The following GLIS3 variants were observed in gnomAD, a reference collection of about 807,000 sequenced individuals.
The protein encoded by GLIS3 is GLIS family zinc finger 3.
Under a neutral mutation model 78.6 loss-of-function variants are expected in GLIS3, and 53 were observed. The observed-to-expected ratio is 0.67, with a 90% CI of 0.54 to 0.85. The LOEUF is 0.85. Among genes scored for constraint, GLIS3 ranks in the 40% least tolerant of loss-of-function variants. The pLI, the probability that GLIS3 is intolerant of heterozygous loss-of-function variation, is 0.00. For missense variants in GLIS3, 1,703 were observed against 1,231.1 expected (o/e 1.38, Z -5.74); for synonymous variants, 684 against 509.9 (o/e 1.34, Z -4.60).
At chr9:3,975,338 T>C (rs1430306300) in intron 4 of GLIS3, 2 of 152,162 alleles carry the variant, frequency 1.3e-5, no homozygotes, top group East Asian at 3.9e-4. Flanking sequence ...TTGTGCTTAT[T>C]GGAAGAGGGC....
At chr9:4,343,221 G>A (rs1418808647) in intron 2 of GLIS3, among the ~76,000 whole-genome samples, 2 of 152,040 alleles carry the variant, frequency 1.3e-5, no homozygotes, top group Non-Finnish European at 2.9e-5. Flanking sequence ...ACACCCCTGT[G>A]GTCCCAGCTA....
At chr9:3,876,997 C>T (rs890296998) in intron 8 of GLIS3, among the ~76,000 whole-genome samples, 9 of 151,988 alleles carry the variant, frequency 5.9e-5, no homozygotes, top group African/African-American at 2.2e-4. Context: ...AAATCTTTTT[C>T]TACATGTATT....
chr9:3,845,069 ATATG>A (rs1035628856), intron 9 of GLIS3, among the ~76,000 whole-genome samples: 101 of 120,546 alleles, frequency 8.4e-4, no homozygotes, highest in African/African-American at 2.7e-3. Flanking sequence ...AGATATATAT[ATATG>A]TGTGTGTGTG....
the GLIS3 span, among the ~76,000 whole-genome samples, chr9:4,467,422 G>A: frequency 4.2e-3 from 632 of 152,236 alleles, 4 homozygotes; most frequent in African/African-American, 0.014. Flanking sequence ...CAGGACCCTC[G>A]GAGATGAAGC....
the GLIS3 span, among the ~76,000 whole-genome samples, chr9:4,356,575 T>G: frequency 6.6e-6 from 1 of 152,302 alleles, no homozygotes; most frequent in East Asian, 1.9e-4. Context: ...TTTCTCACGG[T>G]AGGGTCAAGC....
intron 8 of GLIS3, among the ~76,000 whole-genome samples, chr9:3,877,950 G>T (rs1285780368): frequency 6.6e-6 from 1 of 152,036 alleles, no homozygotes; most frequent in African/African-American, 2.4e-5. Flanking sequence ...AGGATAAGGG[G>T]CAAATTCCTT....
chr9:3,963,189 T>C (rs1282059105), intron 4 of GLIS3, among the ~76,000 whole-genome samples: 1 of 152,224 alleles, frequency 6.6e-6, no homozygotes, highest in East Asian at 1.9e-4. Context: ...CTACGGAGGA[T>C]GAATAAACCT....
At chr9:3,966,330 T>C (rs1389608409) in intron 4 of GLIS3, among the ~76,000 whole-genome samples, 1 of 152,180 alleles carries the variant, frequency 6.6e-6, no homozygotes, top group Non-Finnish European at 1.5e-5. Context: ...AAAAGTGTAT[T>C]CTATTAAATG....
the GLIS3 span, among the ~76,000 whole-genome samples, chr9:4,434,718 T>C: frequency 1.3e-5 from 2 of 152,226 alleles, no homozygotes; most frequent in South Asian, 2.1e-4. Context: ...CTCCAGTGTG[T>C]CTTGAAGTTT....
chr9:4,381,360 C>T, the GLIS3 span, among the ~76,000 whole-genome samples: 1 of 152,144 alleles, frequency 6.6e-6, no homozygotes, highest in African/African-American at 2.4e-5. Flanking sequence ...TCACTGTCTG[C>T]CTGGCTCATA....
chr9:4,263,844 C>T (rs1052499007), intron 2 of GLIS3, among the ~76,000 whole-genome samples: 2 of 152,136 alleles, frequency 1.3e-5, no homozygotes, highest in Non-Finnish European at 2.9e-5. Context: ...TACCTCATTG[C>T]CTGCATCTTC....
chr9:4,150,691 G>A (rs1002082050), intron 2 of GLIS3, among the ~76,000 whole-genome samples: 2 of 152,158 alleles, frequency 1.3e-5, no homozygotes, highest in African/African-American at 2.4e-5. Context: ...CCCCCACCAT[G>A]CTTTGAATTC....
chr9:4,345,390 T>G (rs1295432675), intron 2 of GLIS3, among the ~76,000 whole-genome samples: 2 of 152,254 alleles, frequency 1.3e-5, no homozygotes, highest in African/African-American at 4.8e-5. Context: ...TAGCATTTTC[T>G]TTTTTATGAC....
chr9:3,843,189 C>T (rs867732506), intron 9 of GLIS3, among the ~76,000 whole-genome samples: 6 of 152,178 alleles, frequency 3.9e-5, no homozygotes, highest in South Asian at 2.1e-4. Context: ...ACATTACATC[C>T]GCTTTACTAA....
the GLIS3 span, among the ~76,000 whole-genome samples, chr9:4,447,505 C>A: frequency 3.9e-5 from 6 of 152,276 alleles, no homozygotes; most frequent in African/African-American, 1.4e-4. Flanking sequence ...TGTCTTATTT[C>A]ATTTATCCCA....
chr9:4,448,353 G>A, the GLIS3 span, among the ~76,000 whole-genome samples: 1 of 152,194 alleles, frequency 6.6e-6, no homozygotes, highest in East Asian at 1.9e-4. Flanking sequence ...CACTCAGGCA[G>A]CCAGAACCCA....
intron 3 of GLIS3, chr9:4,123,584 C>T (rs922770411): frequency 8.6e-6 from 3 of 349,058 alleles, no homozygotes; most frequent in African/African-American, 4.2e-5. Context: ...AAGTGGAATC[C>T]TGGACAGGAA....
the GLIS3 span, among the ~76,000 whole-genome samples, chr9:4,355,202 T>G: frequency 6.6e-6 from 1 of 151,850 alleles, no homozygotes; most frequent in Admixed American, 6.5e-5. Context: ...AGTTGGAAAG[T>G]GTCCTGGATT....
At chr9:4,387,695 TTTC>T in the GLIS3 span, among the ~76,000 whole-genome samples, 516 of 152,318 alleles carry the variant, frequency 3.4e-3, 2 homozygotes, top group African/African-American at 0.012. Flanking sequence ...GACTAAGCAA[TTTC>T]TTCATCAATC....
Sources: gnomAD v4.1 joint callset for allele counts (sites outside exome capture counted in the v4.1 genomes callset) on GRCh38, gnomAD v4.1.1 for gene constraint, MANE v1.5 for transcripts, NCBI Gene and HGNC (gene_info 2026-07-23, HGNC 2026-07-21) for gene names.